FAM120A: variants seen among roughly 807,000 people sequenced by gnomAD.
FAM120A encodes family with sequence similarity 120 member A.
FAM120A carries 15 observed loss-of-function variants against 109.7 expected under a neutral mutation model. That is an observed-to-expected ratio of 0.14 (90% CI 0.09 to 0.21). The LOEUF (loss-of-function observed/expected upper bound fraction) is 0.21, where lower values mean the gene tolerates loss of function less well. FAM120A is among the 10% of genes least tolerant of loss of function. The pLI is 1.00. For missense variants in FAM120A, 899 were observed against 1,439.3 expected (o/e 0.62, Z 6.07); for synonymous variants, 493 against 572.8 (o/e 0.86, Z 1.99).
In FAM120A at chr9:93,532,562, A is replaced by G. The variant is rs1222227782; in HGVS notation, c.1909+233A>G. The G allele has an allele frequency of 1.9e-6, 1 of 532,410 alleles. No homozygotes were observed. 33.0% of individuals were successfully genotyped at this position (532,410 alleles called of 1,614,324 possible). A position where few individuals can be genotyped will look rare whatever the true frequency, so the allele number is the denominator to read the frequency against. On this transcript the variant is annotated intron_variant, in intron 10 of 17. Transcript: ENST00000277165. This position sits in a 1 kb window ranked among gnomAD's most constrained non-coding sequence, Gnocchi z 4.3. ...ATAATGATGTTTATTCAGTAAAATA[A>G]TAAAACAGGTTTACACTTTAAAGTG...
At chr9:93,525,516 T>C (rs543501940) in intron 7 of FAM120A, among the ~76,000 whole-genome samples, 11 of 152,348 alleles carry the variant, frequency 7.2e-5, no homozygotes, top group Middle Eastern at 3.4e-3. Flanking sequence ...AGAACACTTA[T>C]TGTTCTTTAC....
Position 93,506,688 on chromosome 9 carries a change from C to T in FAM120A, c.1030+7802C>T, listed in dbSNP as rs145870651. Among the ~76,000 whole-genome samples, 34 of 152,176 alleles carry T rather than the reference C, an allele frequency of 2.2e-4. 1 individual carries two copies. In the East Asian group the frequency reaches 5.8e-3, roughly 26 times the overall value. The stretch of plus-strand genomic sequence containing the variant: ...TCTCAGCTCACTGCAACCTCCACCT[C>T]CTGGGTTCAAGCAATTCTCCTGCCT... On this transcript the variant is annotated intron_variant, in intron 5 of 17. Transcript: ENST00000277165.
chr9:93,478,843 A>G (rs1001687345), intron 3 of FAM120A, among the ~76,000 whole-genome samples: 17 of 152,198 alleles, frequency 1.1e-4, no homozygotes, highest in Non-Finnish European at 2.4e-4. Context: ...TTTAATATAC[A>G]TAGGGGAAAT....
rs1049084618 is a variant in FAM120A at position 93,524,559 on chromosome 9, C to T, written c.1419-2596C>T. Among the ~76,000 whole-genome samples the T allele has an allele frequency of 4.6e-5, 7 of 152,342 alleles. No homozygotes were observed. In the East Asian group the frequency reaches 1.2e-3, roughly 25 times the overall value. On this transcript the variant is annotated intron_variant, in intron 7 of 17. Transcript: ENST00000277165. ...TCCTATAGTGCTGGGCTTCCCCAGCCACCAAGCTGACTTGCCAGAGTCACC... is the reference window on the plus strand; with the variant it reads ...TCCTATAGTGCTGGGCTTCCCCAGCTACCAAGCTGACTTGCCAGAGTCACC...
intron 3 of FAM120A, among the ~76,000 whole-genome samples, chr9:93,491,142 C>G (rs980187426): frequency 6.6e-6 from 1 of 152,224 alleles, no homozygotes; most frequent in African/African-American, 2.4e-5. Flanking sequence ...GCCAGTGCTC[C>G]CAGCACCACC....
intron 1 of FAM120A, among the ~76,000 whole-genome samples, chr9:93,460,144 A>C (rs1312243919): frequency 6.6e-6 from 1 of 152,216 alleles, no homozygotes; most frequent in Non-Finnish European, 1.5e-5. Flanking sequence ...CAACCTTAAT[A>C]AGCACTACAC....
At chr9:93,475,247 C>T (rs73518036) in intron 2 of FAM120A, among the ~76,000 whole-genome samples, 182 of 152,140 alleles carry the variant, frequency 1.2e-3, no homozygotes, top group African/African-American at 3.4e-3. Context: ...ACATTTTGAC[C>T]GCCTTTTGAC....
intron 11 of FAM120A, 133 bp from the exon 12 acceptor site, chr9:93,550,444 A>G (rs1416668950): frequency 6.3e-6 from 4 of 639,356 alleles, no homozygotes; most frequent in Non-Finnish European, 5.6e-6. Flanking sequence ...AAAGTAGAAA[A>G]GCTGAATAAG....
intron 5 of FAM120A, among the ~76,000 whole-genome samples, chr9:93,508,987 A>G (rs543779681): frequency 2.0e-5 from 3 of 152,328 alleles, no homozygotes; most frequent in African/African-American, 7.2e-5. Context: ...TAAGCTGCGG[A>G]GAAAAGGTGT....
intron 3 of FAM120A, among the ~76,000 whole-genome samples, chr9:93,496,742 T>C (rs1859592619): frequency 6.6e-6 from 1 of 152,226 alleles, no homozygotes; most frequent in Non-Finnish European, 1.5e-5. Context: ...GAGAGGAGGA[T>C]GTGGACAGCT....
intron 10 of FAM120A, among the ~76,000 whole-genome samples, chr9:93,535,760 C>A (rs1861491938): frequency 6.6e-6 from 1 of 152,156 alleles, no homozygotes; most frequent in African/African-American, 2.4e-5. Context: ...GGAACACCAG[C>A]TCTCCAGAAG....
At chr9:93,459,704 CA>C (rs1432683155) in intron 1 of FAM120A, among the ~76,000 whole-genome samples, 1 of 151,382 alleles carries the variant, frequency 6.6e-6, no homozygotes, top group Non-Finnish European at 1.5e-5. Context: ...AGACATTTGG[CA>C]GGGGACATTT....
At chr9:93,549,662 G>A (rs1318360025) in intron 11 of FAM120A, among the ~76,000 whole-genome samples, 1 of 152,128 alleles carries the variant, frequency 6.6e-6, no homozygotes, top group Non-Finnish European at 1.5e-5. Context: ...AGCATGTCAC[G>A]GTTCTCTGAA....
In FAM120A at chr9:93,565,562, A is replaced by C. The variant is rs536125411; in HGVS notation, c.*1022A>C. On this transcript the variant is annotated 3_prime_UTR_variant, in exon 18 of 18. Coordinates refer to ENST00000277165, the MANE Select transcript of FAM120A (RefSeq NM_014612.5). Reference sequence around the variant, plus strand: ...TGCATTTATTCTAAAGCCCCCCAAAAATTATCTAGCCGTTTCGAATATCAA... The same window carrying C: ...TGCATTTATTCTAAAGCCCCCCAAACATTATCTAGCCGTTTCGAATATCAA... The C allele has an allele frequency of 3.9e-5, 6 of 152,348 alleles. No homozygotes were observed. The highest frequency in any genetic ancestry group is 7.4e-5 in the Non-Finnish European group (5 of 67,992). The allele number at this position is 152,348 out of a possible 1,614,324, so 9.4% of individuals were successfully genotyped here. A position where few individuals can be genotyped will look rare whatever the true frequency, so the allele number is the denominator to read the frequency against.
At chr9:93,478,874 A>G (rs914497507) in intron 3 of FAM120A, among the ~76,000 whole-genome samples, 7 of 152,180 alleles carry the variant, frequency 4.6e-5, no homozygotes, top group African/African-American at 1.7e-4. Context: ...TTTACTCCCC[A>G]TGAGCATGAC....
At chr9:93,527,016 A>G in intron 7 of FAM120A, 139 bp from the exon 8 acceptor site, 2 of 663,032 alleles carry the variant, frequency 3.0e-6, no homozygotes, top group Non-Finnish European at 5.3e-6. Context: ...TATTAGTATA[A>G]TAGAGTTATT....
rs1446526612 is a variant in FAM120A, at chr9:93,452,483, C to T, written c.474+94C>T. Reference sequence around the variant, plus strand: ...GCAGAATGTCGCCCGGCCGTGGCGGCGCTGGGGGCAGCGAGTTCCCCCAGC... The same window carrying T: ...GCAGAATGTCGCCCGGCCGTGGCGGTGCTGGGGGCAGCGAGTTCCCCCAGC... On this transcript the variant is annotated intron_variant, in intron 1 of 17. Coordinates refer to ENST00000277165, the MANE Select transcript of FAM120A (RefSeq NM_014612.5). The surrounding 1 kb of genome is among the most constrained non-coding windows in gnomAD (Gnocchi z 7.0). 2 of 1,543,798 alleles carry T rather than the reference C, an allele frequency of 1.3e-6. No individual in the cohort carries two copies. Among genetic ancestry groups the T allele is most frequent in the Admixed American group, 3.9e-5 (2 of 51,172 alleles).
intron 12 of FAM120A, among the ~76,000 whole-genome samples, chr9:93,554,152 C>CACACACACACAT (rs1862205723): frequency 6.7e-6 from 1 of 149,792 alleles, no homozygotes; most frequent in South Asian, 2.1e-4. Context: ...CACACACACA[C>CACACACACACAT]ACACACACAC....
intron 8 of FAM120A, 41 bp downstream of exon 8, chr9:93,527,283 T>C: frequency 7.1e-7 from 1 of 1,414,648 alleles, no homozygotes; most frequent in Non-Finnish European, 1.0e-6. Flanking sequence ...TTCTGACTCA[T>C]TTTGTATTAG....
Sources: allele counts gnomAD v4.1 joint callset (sites outside exome capture counted in the v4.1 genomes callset), GRCh38; gene constraint gnomAD v4.1.1; non-coding constraint Gnocchi (gnomAD v3.1); transcripts MANE v1.5; gene names NCBI Gene and HGNC (gene_info 2026-07-23, HGNC 2026-07-21).